NEGR1: variants seen among roughly 807,000 people sequenced by gnomAD.
NEGR1 encodes neuronal growth regulator 1, also known as IgLON family member 4.
Under a neutral mutation model 40.9 loss-of-function variants are expected in NEGR1, and 10 were observed. The observed-to-expected ratio is 0.24, with a 90% CI of 0.15 to 0.42. The LOEUF (loss-of-function observed/expected upper bound fraction) is 0.42, where lower values mean the gene tolerates loss of function less well. NEGR1 is among the 10% of genes least tolerant of loss of function. NEGR1 has a pLI of 1.00. For synonymous variants in NEGR1, 185 were observed against 166.8 expected, an observed-to-expected ratio of 1.11 and a Z score of -0.84; for missense variants, 352 against 438.9, an observed-to-expected ratio of 0.80 and a Z score of 1.77.
chr1:71,985,771 C>A (rs12566464), intron 1 of NEGR1, among the ~76,000 whole-genome samples: 18,200 of 152,082 alleles, frequency 0.12, 1,139 homozygotes, highest in South Asian at 0.18. Flanking sequence ...CATTTATTTT[C>A]CATCAGTGGC....
At chr1:71,957,896 A>G (rs1646132063) in intron 1 of NEGR1, among the ~76,000 whole-genome samples, 1 of 152,220 alleles carries the variant, frequency 6.6e-6, no homozygotes, top group African/African-American at 2.4e-5. Context: ...TGACCTTTGC[A>G]TAGTAGGTAA....
At chr1:71,731,522 AGATAATTATTTT>A (rs1654866602) in intron 3 of NEGR1, among the ~76,000 whole-genome samples, 1 of 152,238 alleles carries the variant, frequency 6.6e-6, no homozygotes, top group African/African-American at 2.4e-5. Context: ...TTGCTAATAG[AGATAATTATTTT>A]GGTTAAGAGC....
intron 1 of NEGR1, among the ~76,000 whole-genome samples, chr1:72,156,496 A>T (rs569276686): frequency 1.3e-5 from 2 of 152,282 alleles, no homozygotes; most frequent in East Asian, 3.9e-4. Context: ...TTATTTTTCT[A>T]AGTGAGAGAT....
chr1:71,896,361 T>C lies in NEGR1; in HGVS notation c.409+38718A>G, dbSNP rs536894275. Among the ~76,000 whole-genome samples, 3 of 152,348 alleles carry C rather than the reference T, an allele frequency of 2.0e-5. No individual in the cohort carries two copies. In the South Asian group the frequency reaches 6.2e-4, roughly 32 times the overall value. On this transcript the variant is annotated intron_variant, in intron 2 of 6. Coordinates refer to ENST00000357731, the MANE Select transcript of NEGR1 (RefSeq NM_173808.3). The stretch of plus-strand genomic sequence containing the variant: ...TTATATAGTTTATTTGGGGAATTTC[T>C]ATTCAAATTATTTGACCACTTTCTA...
intron 2 of NEGR1, among the ~76,000 whole-genome samples, chr1:71,788,752 A>T (rs17091758): frequency 4.6e-5 from 7 of 151,850 alleles, no homozygotes; most frequent in Middle Eastern, 3.4e-3. Flanking sequence ...AACAGTGGGG[A>T]AAGTCTAATT....
At chr1:71,947,087 C>CAT (rs201223956) in intron 1 of NEGR1, among the ~76,000 whole-genome samples, 12,460 of 111,094 alleles carry the variant, frequency 0.11, 665 homozygotes, top group East Asian at 0.26. Flanking sequence ...GATCCTGTCT[C>CAT]ATACACACAC....
At chr1:72,197,162 C>T (rs560668813) in intron 1 of NEGR1, among the ~76,000 whole-genome samples, 3 of 152,020 alleles carry the variant, frequency 2.0e-5, no homozygotes, top group African/African-American at 7.2e-5. Flanking sequence ...ATTGTTCCTA[C>T]CCCCAAAGTG....
chr1:71,589,404 C>A (rs935746706), intron 6 of NEGR1, among the ~76,000 whole-genome samples: 1 of 152,142 alleles, frequency 6.6e-6, no homozygotes, highest in Admixed American at 6.6e-5. Flanking sequence ...CTCATTTACT[C>A]TCATGGCTGA....
intron 1 of NEGR1, among the ~76,000 whole-genome samples, chr1:72,207,291 T>C (rs187736931): frequency 9.2e-5 from 14 of 151,936 alleles, no homozygotes; most frequent in Admixed American, 5.3e-4. Flanking sequence ...ATTAAGTGCA[T>C]ACTCAAAGAA....
chr1:71,430,320 G>T (rs1024335390), intron 6 of NEGR1, among the ~76,000 whole-genome samples: 3 of 152,020 alleles, frequency 2.0e-5, no homozygotes, highest in African/African-American at 7.3e-5. Context: ...AGTTTGACCT[G>T]GCCTCTGCTG....
chr1:71,985,738 C>T (rs536295126), intron 1 of NEGR1, among the ~76,000 whole-genome samples: 1 of 152,154 alleles, frequency 6.6e-6, no homozygotes. Context: ...AGTACTTTAT[C>T]TCTTTGAATC....
chr1:71,700,887 G>C lies in NEGR1; in HGVS notation c.536-2748C>G, dbSNP rs186788711. Among the ~76,000 whole-genome samples the C allele has an allele frequency of 5.9e-5, 9 of 152,086 alleles. No homozygotes were observed. In the East Asian group the frequency reaches 1.5e-3, roughly 26 times the overall value. Reference sequence around the variant, plus strand: ...TGAATTCGTAAAAGTAGAAGAGGTAGATAGAAGAGTGAGTCAAAGAGATGA... The same window carrying C: ...TGAATTCGTAAAAGTAGAAGAGGTACATAGAAGAGTGAGTCAAAGAGATGA... On this transcript the variant is annotated intron_variant, in intron 3 of 6. Transcript: ENST00000357731.
intron 3 of NEGR1, among the ~76,000 whole-genome samples, chr1:71,739,027 CTGAG>C (rs1655125526): frequency 6.6e-6 from 1 of 151,812 alleles, no homozygotes; most frequent in African/African-American, 2.4e-5. Flanking sequence ...ATGGTTAATA[CTGAG>C]TGTCAACTTG....
chr1:71,812,572 T>G (rs1297430757), intron 2 of NEGR1, among the ~76,000 whole-genome samples: 4 of 152,126 alleles, frequency 2.6e-5, no homozygotes, highest in Non-Finnish European at 5.9e-5. Context: ...GTTTCTTGAC[T>G]TTTTAATAAT....
intron 6 of NEGR1, among the ~76,000 whole-genome samples, chr1:71,558,751 T>C (rs1227500284): frequency 1.4e-5 from 2 of 147,410 alleles, no homozygotes; most frequent in Non-Finnish European, 3.0e-5. Context: ...AGCACTTCTT[T>C]ACATCCTAGC....
intron 1 of NEGR1, among the ~76,000 whole-genome samples, chr1:72,098,930 CTT>C (rs146296118): frequency 0.027 from 4,132 of 151,944 alleles, 188 homozygotes; most frequent in African/African-American, 0.096. Flanking sequence ...CTAAAATAAA[CTT>C]TTGAGTATGA....
intron 3 of NEGR1, among the ~76,000 whole-genome samples, chr1:71,705,879 G>A (rs982483489): frequency 6.6e-6 from 1 of 151,838 alleles, no homozygotes; most frequent in African/African-American, 2.4e-5. Flanking sequence ...AAGGAAGGAA[G>A]CAAGGAAGGA....
intron 1 of NEGR1, among the ~76,000 whole-genome samples, chr1:72,091,035 A>C (rs1176778126): frequency 6.6e-6 from 1 of 152,146 alleles, no homozygotes; most frequent in Non-Finnish European, 1.5e-5. Context: ...GCATCTGATA[A>C]ATGATGATTT....
At chr1:71,674,563 C>A (rs12086374) in intron 4 of NEGR1, among the ~76,000 whole-genome samples, 4 of 151,794 alleles carry the variant, frequency 2.6e-5, no homozygotes, top group African/African-American at 9.7e-5. Flanking sequence ...AATCGAAATA[C>A]TCTGCAGGCT....
Sources: allele counts gnomAD v4.1 joint callset (sites outside exome capture counted in the v4.1 genomes callset), GRCh38; gene constraint gnomAD v4.1.1; transcripts MANE v1.5; gene names NCBI Gene and HGNC (gene_info 2026-07-23, HGNC 2026-07-21).